ETNK2: variants seen among roughly 807,000 people sequenced by gnomAD.
The protein encoded by ETNK2 is ethanolamine kinase-like protein.
ETNK2 carries 33 observed loss-of-function variants against 46.2 expected under a neutral mutation model. The observed-to-expected ratio is 0.71, with a 90% CI of 0.54 to 0.96. The LOEUF (loss-of-function observed/expected upper bound fraction) is 0.96. Among genes scored for constraint, ETNK2 ranks in the 40% least tolerant of loss-of-function variants. The pLI is 0.00. For synonymous variants in ETNK2, 194 were observed against 209.0 expected, an observed-to-expected ratio of 0.93 and a Z score of 0.62; for missense variants, 445 against 509.7, an observed-to-expected ratio of 0.87 and a Z score of 1.22.
In ETNK2 at chr1:204,137,086, T is replaced by C. The variant is rs764235257; in HGVS notation, c.1014+18A>G. The stretch of plus-strand genomic sequence containing the variant: ...AACTCCTCCTTTCCTGCCCCAGCCC[T>C]AGAAATAAGGCACTCACCAGGGCAA... On this transcript the variant is annotated intron_variant, in intron 6 of 7. Transcript: ENST00000367202. 5 of 1,612,662 alleles carry C rather than the reference T, an allele frequency of 3.1e-6. No individual in the cohort carries two copies. The South Asian group carries it at 4.4e-5, about 14-fold the overall frequency.
chr1:204,147,352 C>A, intron 2 of ETNK2: 1 of 486,022 alleles, frequency 2.1e-6, no homozygotes, highest in Non-Finnish European at 4.2e-6. Context: ...CAAAACAAGC[C>A]AGCGTTCTAT....
intron 3 of ETNK2, chr1:204,143,073 C>T (rs1285998218): frequency 6.6e-6 from 1 of 152,114 alleles, no homozygotes; most frequent in Non-Finnish European, 1.5e-5. Context: ...CTCAGAGGTT[C>T]TGCAAAGGCC....
chr1:204,138,151 G>C (rs189347619), intron 5 of ETNK2, among the ~76,000 whole-genome samples: 1 of 152,274 alleles, frequency 6.6e-6, no homozygotes, highest in African/African-American at 2.4e-5. Flanking sequence ...CGGAGGCCCA[G>C]AGAGGAGAAG....
intron 4 of ETNK2, 39 bp downstream of exon 4, chr1:204,141,276 C>G (rs752705390): frequency 1.9e-6 from 3 of 1,613,882 alleles, no homozygotes; most frequent in East Asian, 2.2e-5. Context: ...ACCAACCAAC[C>G]AAAACCCTGC....
rs1657523321 is a variant in ETNK2 at position 204,141,323 on chromosome 1, C to T, written c.776G>A (p.Ser259Asn). The change falls in exon 4 of 8, where the codon AGC becomes AAC. Residue 259 changes from serine to asparagine, a missense_variant. Coordinates refer to ENST00000367202, the MANE Select transcript of ETNK2 (RefSeq NM_018208.4). ...GGCCAGAGAAGCCATACCTTTGATG[C>T]TGTCATAGATGATATTCTTGCAGAG... ...DLLCKNIIYD[S>N]IKGHVRFIDY... 6.2e-7 allele frequency: 1 copy of T among 1,614,036 alleles called. No homozygotes were observed. Among genetic ancestry groups the T allele is most frequent in the Admixed American group, 1.7e-5 (1 of 60,028 alleles).
In ETNK2 at chr1:204,136,928, G is replaced by C. The variant is rs142527876; in HGVS notation, c.1014+176C>G. Reference sequence around the variant, plus strand: ...CAGGGAACAGGGCATCAAGTATTAAGAGCTGCCTAAGATGGCTCTTCCCAG... The same window carrying C: ...CAGGGAACAGGGCATCAAGTATTAACAGCTGCCTAAGATGGCTCTTCCCAG... On this transcript the variant is annotated intron_variant, in intron 6 of 7. Transcript: ENST00000367202. 4.5e-4 allele frequency among the ~76,000 whole-genome samples: 68 copies of C among 152,262 alleles called. 1 individual carries two copies. Among genetic ancestry groups the C allele is most frequent in the Middle Eastern group, 3.4e-3 (1 of 294 alleles).
At chr1:204,139,278 C>T (rs535168968) in intron 5 of ETNK2, among the ~76,000 whole-genome samples, 11 of 152,280 alleles carry the variant, frequency 7.2e-5, no homozygotes, top group South Asian at 6.2e-4. Flanking sequence ...TGTACAATTG[C>T]GCCAGTTGTA....
At chr1:204,136,643 G>A (rs1054286320) in intron 6 of ETNK2, among the ~76,000 whole-genome samples, 21 of 150,372 alleles carry the variant, frequency 1.4e-4, no homozygotes, top group African/African-American at 5.1e-4. Flanking sequence ...AACCTGAGAG[G>A]CGGAGGTTGC....
chr1:204,151,419 G>A lies in ETNK2; in HGVS notation c.258+176C>T. 1 of 941,658 alleles carries A rather than the reference G, an allele frequency of 1.1e-6. No individual in the cohort carries two copies. Among genetic ancestry groups the A allele is most frequent in the Non-Finnish European group, 1.5e-6 (1 of 648,116 alleles). The allele number at this position is 941,658 out of a possible 1,614,324, so 58.3% of individuals were successfully genotyped here. On this transcript the variant is annotated intron_variant, in intron 1 of 7. Coordinates refer to ENST00000367202, the MANE Select transcript of ETNK2 (RefSeq NM_018208.4). This position sits in a 1 kb window ranked among gnomAD's most constrained non-coding sequence, Gnocchi z 8.0. ...GTGTGCAGGGCCAAGGGAGGTGTGA[G>A]CCTAGTTTTGGTAGCGACGAAATCA...
At chr1:204,140,556 G>A (rs1475674747) in intron 4 of ETNK2, among the ~76,000 whole-genome samples, 2 of 150,434 alleles carry the variant, frequency 1.3e-5, no homozygotes, top group Non-Finnish European at 3.0e-5. Context: ...ACAGAGTCTC[G>A]CTCTGTCGCC....
In ETNK2 at chr1:204,147,608, A is replaced by T. The variant is rs1389706669; in HGVS notation, c.519-844T>A. The T allele has an allele frequency of 7.7e-6, 4 of 520,792 alleles. No homozygotes were observed. In the African/African-American group the frequency reaches 7.8e-5, roughly 10 times the overall value. The allele number at this position is 520,792 out of a possible 1,614,324, so 32.3% of individuals were successfully genotyped here. A position where few individuals can be genotyped will look rare whatever the true frequency, so the allele number is the denominator to read the frequency against. ...CTCCAACATTCAGCTTCCTTCCAACATACAGCCTCTGCCTGTTGCTTGAAT... is the reference window on the plus strand; with the variant it reads ...CTCCAACATTCAGCTTCCTTCCAACTTACAGCCTCTGCCTGTTGCTTGAAT... On this transcript the variant is annotated intron_variant, in intron 2 of 7. Transcript: ENST00000367202.
intron 1 of ETNK2, 66 bp from the exon 2 acceptor site, chr1:204,150,028 G>T: frequency 1.3e-6 from 2 of 1,490,442 alleles, no homozygotes; most frequent in Admixed American, 4.0e-5. Context: ...TCTCTCTCCT[G>T]GGCTCTGTAG....
Position 204,151,414 on chromosome 1 carries a change from T to G in ETNK2, c.258+181A>C. The G allele has an allele frequency of 3.4e-6, 3 of 882,350 alleles. No individual in the cohort carries two copies. The highest frequency in any genetic ancestry group is 3.0e-5 in the East Asian group (1 of 33,424). 54.7% of individuals were successfully genotyped at this position (882,350 alleles called of 1,614,324 possible). ...GGGGCGTGTGCAGGGCCAAGGGAGG[T>G]GTGAGCCTAGTTTTGGTAGCGACGA... On this transcript the variant is annotated intron_variant, in intron 1 of 7. Transcript: ENST00000367202. The surrounding 1 kb of genome is among the most constrained non-coding windows in gnomAD (Gnocchi z 8.0).
chr1:204,141,273 A>C, intron 4 of ETNK2, 42 bp downstream of exon 4: 5 of 1,613,826 alleles, frequency 3.1e-6, no homozygotes, highest in Non-Finnish European at 4.2e-6. Flanking sequence ...CTAACCAACC[A>C]ACCAAAACCC....
rs762479061 is a variant in ETNK2 at position 204,141,471 on chromosome 1, A to T, written c.642-14T>A. ...TCTGCAGAAAGGCTGGGCAGTGGCA[A>T]AAAAGGTAGCCAGTGAAAGGAGGGC... On this transcript the variant is annotated splice_polypyrimidine_tract_variant and intron_variant, in intron 3 of 7. Transcript: ENST00000367202. 2.6e-5 allele frequency: 40 copies of T among 1,566,532 alleles called. No individual in the cohort carries two copies. Among genetic ancestry groups the T allele is most frequent in the Non-Finnish European group, 2.5e-5 (29 of 1,155,562 alleles).
At chr1:204,135,168 T>C (rs568462279) in intron 6 of ETNK2, among the ~76,000 whole-genome samples, 390 of 152,230 alleles carry the variant, frequency 2.6e-3, no homozygotes, top group Admixed American at 3.7e-3. Flanking sequence ...AACCTAGATA[T>C]GGAAACAAGA....
chr1:204,151,760 C>A lies in ETNK2; in HGVS notation c.93G>T (p.Glu31Asp). Residue 31 changes from glutamate to aspartate, a missense_variant, in exon 1 of 8, where the codon GAG (glutamate) becomes GAT (aspartate). Physicochemically the swap from Glu to Asp is conservative, Grantham distance 45 (BLOSUM62 2). Coordinates refer to ENST00000367202, the MANE Select transcript of ETNK2 (RefSeq NM_018208.4). This position sits in a 1 kb window ranked among gnomAD's most constrained non-coding sequence, Gnocchi z 8.0. ...GGCAGCTGGCGCTGGCCGCCGCCTT[C>A]TCCTCCATGCCCCATGAGCACTGCG... Reference protein sequence around the residue: ...PCPQCSWGMEEKAAASASCRE... With the variant: ...PCPQCSWGMEDKAAASASCRE... 6.6e-7 allele frequency: 1 copy of A among 1,524,972 alleles called. No individual in the cohort carries two copies. Among genetic ancestry groups the A allele is most frequent in the South Asian group, 1.3e-5 (1 of 79,772 alleles). The allele number at this position is 1,524,972 out of a possible 1,614,324, so 94.5% of individuals were successfully genotyped here. A position where few individuals can be genotyped will look rare whatever the true frequency, so the allele number is the denominator to read the frequency against.
intron 3 of ETNK2, among the ~76,000 whole-genome samples, chr1:204,144,495 C>T (rs1386096828): frequency 6.6e-6 from 1 of 152,032 alleles, no homozygotes; most frequent in Non-Finnish European, 1.5e-5. Flanking sequence ...TTACATCACT[C>T]CCAACTGGTC....
intron 3 of ETNK2, chr1:204,142,580 T>C (rs1325566162): frequency 6.6e-6 from 1 of 152,302 alleles, no homozygotes; most frequent in Non-Finnish European, 1.5e-5. Context: ...GAACCACCAA[T>C]GGGCAGAGGG....
Sources: gnomAD v4.1 joint callset for allele counts (sites outside exome capture counted in the v4.1 genomes callset) on GRCh38, gnomAD v4.1.1 for gene constraint, Gnocchi (gnomAD v3.1) non-coding constraint, MANE v1.5 for transcripts, NCBI Gene and HGNC (gene_info 2026-07-23, HGNC 2026-07-21) for gene names.